VCL: variants seen among roughly 807,000 people sequenced by gnomAD.
VCL encodes the protein epididymis luminal protein 114.
A neutral mutation model predicts 125.7 loss-of-function variants in VCL; 47 were observed. The ratio of observed to expected loss-of-function variants is 0.37; its 90% confidence interval spans 0.30 to 0.48. VCL has a LOEUF of 0.48. Ranked by LOEUF, VCL falls within the 20% of genes least tolerant of loss-of-function variation. VCL has a pLI of 0.99. For missense variants in VCL, 1,069 were observed against 1,455.5 expected (o/e 0.73, Z 4.32); for synonymous variants, 458 against 514.6 (o/e 0.89, Z 1.49).
chr10:74,094,192 G>T, intron 10 of VCL, 79 bp from the exon 11 acceptor site: 3 of 1,564,006 alleles, frequency 1.9e-6, no homozygotes, highest in Non-Finnish European at 1.7e-6. Flanking sequence ...CATCCTATTA[G>T]CATTTGTCAT....
At chr10:74,064,411 CTT>C (rs368440267) in intron 2 of VCL, among the ~76,000 whole-genome samples, 1 of 146,786 alleles carries the variant, frequency 6.8e-6, no homozygotes, top group African/African-American at 2.5e-5. Context: ...ACAAAAGACA[CTT>C]TTTTTTTTTT....
intron 16 of VCL, among the ~76,000 whole-genome samples, chr10:74,105,911 GCT>G (rs1491112068): frequency 1.6e-5 from 2 of 125,694 alleles, no homozygotes; most frequent in African/African-American, 6.2e-5. Flanking sequence ...CAACCTCTGC[GCT>G]TTTTTTTTTT....
At chr10:74,010,318 C>CA (rs1255593971) in intron 1 of VCL, among the ~76,000 whole-genome samples, 1 of 152,120 alleles carries the variant, frequency 6.6e-6, no homozygotes, top group Non-Finnish European at 1.5e-5. Flanking sequence ...GTATTTTTAT[C>CA]AAAGTATTTT....
intron 2 of VCL, among the ~76,000 whole-genome samples, chr10:74,052,510 G>A (rs1429085850): frequency 3.3e-5 from 5 of 151,354 alleles, no homozygotes; most frequent in African/African-American, 4.9e-5. Flanking sequence ...GCAAGTAGCT[G>A]GGACTACAGG....
intron 1 of VCL, among the ~76,000 whole-genome samples, chr10:74,026,081 A>G (rs1840767171): frequency 6.6e-6 from 1 of 152,208 alleles, no homozygotes; most frequent in African/African-American, 2.4e-5. Context: ...TATTATGCAG[A>G]TGGTTCTCTA....
intron 6 of VCL, among the ~76,000 whole-genome samples, chr10:74,079,365 G>A (rs1839642167): frequency 1.3e-5 from 2 of 152,092 alleles, no homozygotes; most frequent in Admixed American, 1.3e-4. Flanking sequence ...TAAGAAATTG[G>A]TAGAGACTTT....
chr10:74,105,134 G>T lies in VCL; in HGVS notation c.2215G>T (p.Val739Leu). The change falls in exon 16 of 22, where the codon GTA (valine) becomes TTA (leucine). Residue 739 changes from valine to leucine, a missense_variant. Val to Leu is a conservative substitution (Grantham distance 32, BLOSUM62 1). Coordinates refer to ENST00000211998, the MANE Select transcript of VCL (RefSeq NM_014000.3). The stretch of plus-strand genomic sequence containing the variant: ...TAAAAAAGACCTGGACAAGTGCAAG[G>T]TAGCTATGGCCAACATTCAGCCTCA... The part of the protein sequence containing the change: ...AIKKDLDKCK[V>L]AMANIQPQML... 6.2e-7 allele frequency: 1 copy of T among 1,614,206 alleles called. No individual in the cohort carries two copies. Among genetic ancestry groups the T allele is most frequent in the Non-Finnish European group, 8.5e-7 (1 of 1,180,034 alleles).
intron 2 of VCL, among the ~76,000 whole-genome samples, chr10:74,045,756 G>A (rs921402728): frequency 2.6e-5 from 4 of 152,236 alleles, no homozygotes; most frequent in African/African-American, 7.2e-5. Flanking sequence ...CTACCTCTGG[G>A]AGGGAGGAAG....
At chr10:74,046,113 T>A (rs1841192895) in intron 2 of VCL, among the ~76,000 whole-genome samples, 1 of 152,224 alleles carries the variant, frequency 6.6e-6, no homozygotes, top group Admixed American at 6.5e-5. Flanking sequence ...GCTAGAAGCA[T>A]CTGTTTTTTT....
At chr10:74,056,897 T>G (rs1841400824) in intron 2 of VCL, among the ~76,000 whole-genome samples, 1 of 152,180 alleles carries the variant, frequency 6.6e-6, no homozygotes, top group Admixed American at 6.5e-5. Flanking sequence ...ACCTATCTCC[T>G]GAGTCTTTTG....
At chr10:74,054,788 C>G (rs897584167) in intron 2 of VCL, among the ~76,000 whole-genome samples, 5 of 151,892 alleles carry the variant, frequency 3.3e-5, no homozygotes, top group Admixed American at 6.6e-5. Flanking sequence ...GGGCGTGATG[C>G]TGCACACCTG....
chr10:74,050,068 A>G (rs1449465582), intron 2 of VCL, among the ~76,000 whole-genome samples: 1 of 152,234 alleles, frequency 6.6e-6, no homozygotes, highest in African/African-American at 2.4e-5. Context: ...AACTGAATGG[A>G]TCAAAAAGCA....
rs754591130 is a variant in VCL at position 74,112,045 on chromosome 10, C to A, written c.2882C>A (p.Pro961Gln). The change falls in exon 19 of 22, where the codon CCG (proline) becomes CAG (glutamine). Residue 961 changes from proline to glutamine, a missense_variant. Pro to Gln is a moderately conservative substitution (Grantham distance 76). Around this residue, in one of 6 missense-constraint regions of VCL, gnomAD observed 86 missense variants for 91.0 expected, o/e 0.95. Transcript: ENST00000211998. Reference sequence around the variant, plus strand: ...CTGCTGTTAATGCCATCCAATCAGCCGGTCAACCAGCCCATTCTGGCCGCG... The same window carrying A: ...CTGCTGTTAATGCCATCCAATCAGCAGGTCAACCAGCCCATTCTGGCCGCG... Reference protein sequence around the residue: ...PELLLMPSNQPVNQPILAAAQ... With the variant: ...PELLLMPSNQQVNQPILAAAQ... The A allele has an allele frequency of 8.1e-6, 13 of 1,614,052 alleles. No homozygotes were observed. The South Asian group carries it at 1.2e-4, about 15-fold the overall frequency.
intron 19 of VCL, 144 bp from the exon 20 acceptor site, chr10:74,114,040 A>T: frequency 1.1e-6 from 1 of 889,016 alleles, no homozygotes; most frequent in African/African-American, 1.7e-5. Context: ...CGTATCACTC[A>T]AGAACGGCCC....
At chr10:74,075,166 C>T (rs950390022) in intron 6 of VCL, 8 of 464,774 alleles carry the variant, frequency 1.7e-5, no homozygotes, top group Non-Finnish European at 3.1e-5. Context: ...TTCCATCAGG[C>T]TGGAGTCTTA....
chr10:74,046,369 C>T (rs566185566), intron 2 of VCL, among the ~76,000 whole-genome samples: 6 of 152,218 alleles, frequency 3.9e-5, no homozygotes, highest in Admixed American at 1.3e-4. Flanking sequence ...TGCCTCACCC[C>T]GAGTCGCTGG....
intron 13 of VCL, among the ~76,000 whole-genome samples, chr10:74,099,815 A>T (rs568170194): frequency 1.3e-5 from 2 of 152,318 alleles, no homozygotes; most frequent in South Asian, 4.1e-4. Context: ...GAGATCAGGG[A>T]TTTTAGGCAG....
At chr10:74,033,783 G>A (rs368815501) in intron 1 of VCL, among the ~76,000 whole-genome samples, 1 of 152,140 alleles carries the variant, frequency 6.6e-6, no homozygotes, top group East Asian at 1.9e-4. Context: ...GAATATCCCA[G>A]TGCTAATTAC....
intron 1 of VCL, among the ~76,000 whole-genome samples, chr10:74,012,921 C>G (rs1033290904): frequency 6.6e-6 from 1 of 152,104 alleles, no homozygotes; most frequent in Non-Finnish European, 1.5e-5. Flanking sequence ...TTAGGCCCTT[C>G]TATCATGTAC....
Sources: gnomAD v4.1 joint callset for allele counts (sites outside exome capture counted in the v4.1 genomes callset) on GRCh38, gnomAD v4.1.1 for gene constraint, gnomAD v4.1.1 regional missense constraint, MANE v1.5 for transcripts, NCBI Gene and HGNC (gene_info 2026-07-23, HGNC 2026-07-21) for gene names.